Variants in SLC2A13 observed in about 807,000 individuals in gnomAD.
The protein encoded by SLC2A13 is solute carrier family 2 member 13, also known as proton myo-inositol cotransporter.
In SLC2A13, 32 loss-of-function variants were observed where a neutral mutation model predicts 64.4. The ratio of observed to expected loss-of-function variants is 0.50; its 90% confidence interval spans 0.37 to 0.67. The LOEUF (loss-of-function observed/expected upper bound fraction) is 0.67, where lower values mean the gene tolerates loss of function less well. Among genes scored for constraint, SLC2A13 ranks in the 30% least tolerant of loss-of-function variants. SLC2A13 has a pLI of 0.00. For missense variants in SLC2A13, 743 were observed against 829.2 expected, an observed-to-expected ratio of 0.90 and a Z score of 1.28; for synonymous variants, 338 against 327.1, an observed-to-expected ratio of 1.03 and a Z score of -0.36.
intron 4 of SLC2A13, among the ~76,000 whole-genome samples, chr12:39,917,966 A>G (rs1945548594): frequency 6.6e-6 from 1 of 152,134 alleles, no homozygotes; most frequent in African/African-American, 2.4e-5. Context: ...AGATTTAAAA[A>G]AAAGGTAATT....
intron 3 of SLC2A13, among the ~76,000 whole-genome samples, chr12:40,022,075 C>G (rs531975078): frequency 6.6e-6 from 1 of 151,966 alleles, no homozygotes; most frequent in Non-Finnish European, 1.5e-5. Context: ...CCTTCCTATA[C>G]ATGACAGACA....
At position 39,757,016 on chromosome 12, in the gene SLC2A13, A is replaced by AATG. The variant is rs1344724542; in HGVS notation, c.*3007_*3009dup. On this transcript the variant is annotated 3_prime_UTR_variant, in exon 10 of 10. Coordinates refer to ENST00000280871, the MANE Select transcript of SLC2A13 (RefSeq NM_052885.4). Reference sequence around the variant, plus strand: ...TATTAAAAATAATCATGTTTTGGGAAATGATTGACTAAGGAGCAACAATCA... The same window carrying AATG: ...TATTAAAAATAATCATGTTTTGGGAAATGATGATTGACTAAGGAGCAACAATCA... 1.3e-5 allele frequency: 2 copies of AATG among 151,780 alleles called. No individual in the cohort carries two copies. Among genetic ancestry groups the AATG allele is most frequent in the Non-Finnish European group, 3.0e-5 (2 of 67,694 alleles). 9.4% of individuals were successfully genotyped at this position (151,780 alleles called of 1,614,324 possible).
rs1939153905 is a variant in SLC2A13 at position 40,101,688 on chromosome 12, G to C, written c.556+3565C>G. Among the ~76,000 whole-genome samples, 3 of 152,178 alleles carry C rather than the reference G, an allele frequency of 2.0e-5. No individual in the cohort carries two copies. In the South Asian group the frequency reaches 6.2e-4, roughly 32 times the overall value. On this transcript the variant is annotated intron_variant, in intron 1 of 9. Coordinates refer to ENST00000280871, the MANE Select transcript of SLC2A13 (RefSeq NM_052885.4). Reference sequence around the variant, plus strand: ...AGCCTAATCCCCCCAAAACATTCCAGTCTCATGACCACCTCATCACCACCC... The same window carrying C: ...AGCCTAATCCCCCCAAAACATTCCACTCTCATGACCACCTCATCACCACCC...
Position 40,028,310 on chromosome 12 carries a change from C to A in SLC2A13, c.916G>T (p.Val306Phe), listed in dbSNP as rs753664588. The A allele has an allele frequency of 1.2e-6, 2 of 1,613,448 alleles. No individual in the cohort carries two copies. The highest frequency in any genetic ancestry group is 2.2e-5 in the South Asian group (2 of 91,022). ...TATAAAGTCTATATACCTGAGCCAA[C>A]CTCTTTTTCCTCCTCTTCAATGTTG... Reference protein sequence around the residue: ...KNNIEEEEKEVGSAGPVICRM... With the variant: ...KNNIEEEEKEFGSAGPVICRM... The change falls in exon 3 of 10, where the codon GTT becomes TTT. Residue 306 changes from valine (V) to phenylalanine (F), a missense_variant. Coordinates refer to ENST00000280871, the MANE Select transcript of SLC2A13 (RefSeq NM_052885.4).
At chr12:39,786,987 CT>C (rs201169429) in intron 7 of SLC2A13, among the ~76,000 whole-genome samples, 625 of 61,126 alleles carry the variant, frequency 0.01, 5 homozygotes, top group East Asian at 0.047. Flanking sequence ...TGTGTTTTTT[CT>C]TTTTTTTAAA....
rs114131723 is a variant in SLC2A13, at chr12:39,768,037, A to G, written c.1446-3179T>C. 3.4e-3 allele frequency among the ~76,000 whole-genome samples: 518 copies of G among 152,212 alleles called. 7 individuals carry two copies. The highest frequency in any genetic ancestry group is 0.012 in the African/African-American group (506 of 41,550). Reference sequence around the variant, plus strand: ...GACTAATACATCACCTTTATTAGTTATCTTAGGTAGATGTTCTGGATAACT... The same window carrying G: ...GACTAATACATCACCTTTATTAGTTGTCTTAGGTAGATGTTCTGGATAACT... On this transcript the variant is annotated intron_variant, in intron 7 of 9. Coordinates refer to ENST00000280871, the MANE Select transcript of SLC2A13 (RefSeq NM_052885.4).
intron 7 of SLC2A13, among the ~76,000 whole-genome samples, chr12:39,823,618 A>ATAT (rs71075088): frequency 0.21 from 32,359 of 151,606 alleles, 4,490 homozygotes; most frequent in Non-Finnish European, 0.3. Flanking sequence ...GATGATGATG[A>ATAT]TATTATTATT....
At chr12:39,841,151 T>G (rs182159977) in intron 6 of SLC2A13, among the ~76,000 whole-genome samples, 1 of 152,246 alleles carries the variant, frequency 6.6e-6, no homozygotes, top group Non-Finnish European at 1.5e-5. Flanking sequence ...GCAAAAAATT[T>G]TATAGTAGTG....
At chr12:40,065,581 T>TCAAA (rs72110088) in intron 1 of SLC2A13, among the ~76,000 whole-genome samples, 43 of 152,060 alleles carry the variant, frequency 2.8e-4, no homozygotes, top group African/African-American at 9.2e-4. Flanking sequence ...TGAGACTGTC[T>TCAAA]CAAACAAACA....
At position 40,064,123 on chromosome 12, in the gene SLC2A13, T is replaced by C. The variant is rs1020514992; in HGVS notation, c.557-15913A>G. On this transcript the variant is annotated intron_variant, in intron 1 of 9. Transcript: ENST00000280871. ...AGCCAAGCACAGTGGGGCACACCTG[T>C]GATCCCAGCTACTCAGGCAGCTGTG... 2.6e-5 allele frequency among the ~76,000 whole-genome samples: 4 copies of C among 152,156 alleles called. No individual in the cohort carries two copies. In the East Asian group the frequency reaches 7.7e-4, roughly 29 times the overall value.
At chr12:39,949,002 A>T (rs1459052511) in intron 4 of SLC2A13, among the ~76,000 whole-genome samples, 1 of 152,180 alleles carries the variant, frequency 6.6e-6, no homozygotes, top group East Asian at 1.9e-4. Context: ...ATACATACAT[A>T]TACACACACA....
chr12:40,092,357 GC>G (rs1417997844), intron 1 of SLC2A13, among the ~76,000 whole-genome samples: 1 of 152,166 alleles, frequency 6.6e-6, no homozygotes. Context: ...TGGTGAGAGT[GC>G]CACTCCATTT....
intron 3 of SLC2A13, among the ~76,000 whole-genome samples, chr12:40,001,306 G>A (rs150353275): frequency 6.6e-6 from 1 of 152,268 alleles, no homozygotes; most frequent in African/African-American, 2.4e-5. Flanking sequence ...TTCTTTCAAA[G>A]TGAGCTATAA....
intron 3 of SLC2A13, among the ~76,000 whole-genome samples, chr12:39,957,284 T>A (rs4768204): frequency 0.3 from 45,672 of 152,066 alleles, 7,671 homozygotes; most frequent in Non-Finnish European, 0.4. Context: ...AGAGAGAACT[T>A]GGGCCGACAT....
chr12:39,891,733 G>C (rs1293911076), intron 4 of SLC2A13, among the ~76,000 whole-genome samples: 1 of 152,138 alleles, frequency 6.6e-6, no homozygotes, highest in Non-Finnish European at 1.5e-5. Context: ...GTTAGTGACA[G>C]GAATAGGCTC....
rs572595320 is a variant in SLC2A13, at chr12:39,914,348, C to T, written c.1034+36909G>A. ...ACAGGTATGAAATTTACCCTCTTACCTTAAACAATCAGAAAACCCAGTAAA... is the reference window on the plus strand; with the variant it reads ...ACAGGTATGAAATTTACCCTCTTACTTTAAACAATCAGAAAACCCAGTAAA... On this transcript the variant is annotated intron_variant, in intron 4 of 9. Coordinates refer to ENST00000280871, the MANE Select transcript of SLC2A13 (RefSeq NM_052885.4). Among the ~76,000 whole-genome samples, 3 of 152,092 alleles carry T rather than the reference C, an allele frequency of 2.0e-5. No homozygotes were observed. The East Asian group carries it at 5.8e-4, about 29-fold the overall frequency.
In SLC2A13 at chr12:40,056,830, T is replaced by C. The variant is rs28365684; in HGVS notation, c.557-8620A>G. On this transcript the variant is annotated intron_variant, in intron 1 of 9. Coordinates refer to ENST00000280871, the MANE Select transcript of SLC2A13 (RefSeq NM_052885.4). Reference sequence around the variant, plus strand: ...AATACTAGAGTTGCAAAATAATAAATGAACACAGTCTCCACCATTTTTTCA... The same window carrying C: ...AATACTAGAGTTGCAAAATAATAAACGAACACAGTCTCCACCATTTTTTCA... 1.4e-4 allele frequency among the ~76,000 whole-genome samples: 22 copies of C among 152,216 alleles called. No individual in the cohort carries two copies. In the East Asian group the frequency reaches 4.2e-3, roughly 29 times the overall value.
intron 3 of SLC2A13, among the ~76,000 whole-genome samples, chr12:40,024,425 T>G (rs1005063585): frequency 6.6e-6 from 1 of 152,204 alleles, no homozygotes; most frequent in Non-Finnish European, 1.5e-5. Flanking sequence ...AATTTTGCAT[T>G]TGCTGTTTCC....
intron 3 of SLC2A13, among the ~76,000 whole-genome samples, chr12:39,990,708 G>C (rs1270900017): frequency 6.6e-6 from 1 of 152,140 alleles, no homozygotes; most frequent in African/African-American, 2.4e-5. Context: ...TTGCCCCCTA[G>C]TGGCAGCTGT....
Sources: allele counts gnomAD v4.1 joint callset (sites outside exome capture counted in the v4.1 genomes callset), GRCh38; gene constraint gnomAD v4.1.1; transcripts MANE v1.5; gene names NCBI Gene and HGNC (gene_info 2026-07-23, HGNC 2026-07-21).